The following ELP3 variants were observed in gnomAD, a reference collection of about 807,000 sequenced individuals.
ELP3 encodes the protein elongator complex protein 3.
Under a neutral mutation model 74.9 loss-of-function variants are expected in ELP3, and 56 were observed. The ratio of observed to expected loss-of-function variants is 0.75; its 90% confidence interval spans 0.60 to 0.93. The LOEUF is 0.93. Ranked by LOEUF, ELP3 falls within the 40% of genes least tolerant of loss-of-function variation. The pLI, the probability that ELP3 is intolerant of heterozygous loss-of-function variation, is 0.00. For synonymous variants in ELP3, 222 were observed against 239.8 expected (o/e 0.93, Z 0.68); for missense variants, 573 against 686.5 (o/e 0.83, Z 1.85).
chr8:28,159,646 C>T (rs151119070), intron 12 of ELP3, among the ~76,000 whole-genome samples: 1 of 152,228 alleles, frequency 6.6e-6, no homozygotes, highest in Admixed American at 6.5e-5. Context: ...AGCTTCCCCC[C>T]AGAAGCTACC....
chr8:28,144,386 G>C, intron 10 of ELP3, among the ~76,000 whole-genome samples: 1 of 152,204 alleles, frequency 6.6e-6, no homozygotes, highest in Non-Finnish European at 1.5e-5. Context: ...GTGGCAGGTA[G>C]ATCGCTTGAG....
chr8:28,150,010 T>C (rs1813579707), intron 10 of ELP3, among the ~76,000 whole-genome samples: 1 of 152,214 alleles, frequency 6.6e-6, no homozygotes, highest in Non-Finnish European at 1.5e-5. Context: ...ACTACTAATC[T>C]GAATTCACTT....
intron 11 of ELP3, 138 bp downstream of exon 11, chr8:28,156,170 C>A: frequency 1.4e-6 from 1 of 695,616 alleles, no homozygotes; most frequent in South Asian, 1.7e-5. Context: ...AAAGCATAGT[C>A]ACTGAACTGT....
At chr8:28,135,492 G>T (rs1004205915) in intron 9 of ELP3, among the ~76,000 whole-genome samples, 1 of 152,174 alleles carries the variant, frequency 6.6e-6, no homozygotes. Context: ...CCAGAGAGTA[G>T]GGCGGAGAGT....
chr8:28,098,299 A>G (rs1003830745), intron 2 of ELP3, among the ~76,000 whole-genome samples: 1 of 152,052 alleles, frequency 6.6e-6, no homozygotes, highest in African/African-American at 2.4e-5. Flanking sequence ...ATCATCACAT[A>G]CAGGAATGAC....
chr8:28,159,574 G>A (rs1488794549), intron 12 of ELP3, among the ~76,000 whole-genome samples: 1 of 152,098 alleles, frequency 6.6e-6, no homozygotes, highest in Non-Finnish European at 1.5e-5. Flanking sequence ...TTTAAGAAAA[G>A]TACAAGAGCC....
chr8:28,184,793 T>C (rs1263047395), intron 14 of ELP3, among the ~76,000 whole-genome samples: 2 of 152,144 alleles, frequency 1.3e-5, no homozygotes, highest in East Asian at 3.8e-4. Flanking sequence ...AAACTAAACA[T>C]GTCTCCAGGA....
At chr8:28,154,781 A>G (rs1380390887) in intron 10 of ELP3, among the ~76,000 whole-genome samples, 1 of 152,204 alleles carries the variant, frequency 6.6e-6, no homozygotes, top group African/African-American at 2.4e-5. Context: ...TATTTTACTG[A>G]TAACTGTTAA....
intron 14 of ELP3, 117 bp downstream of exon 14, chr8:28,162,195 T>C (rs771908230): frequency 1.6e-5 from 17 of 1,039,478 alleles, no homozygotes; most frequent in Non-Finnish European, 2.3e-5. Context: ...AAAATTGAGC[T>C]GAGCTGACTG....
At chr8:28,107,394 A>G (rs2130379296) in intron 4 of ELP3, among the ~76,000 whole-genome samples, 1 of 152,378 alleles carries the variant, frequency 6.6e-6, no homozygotes, top group Non-Finnish European at 1.5e-5. Context: ...TAAATGAAAC[A>G]TGGGAATATG....
intron 14 of ELP3, among the ~76,000 whole-genome samples, chr8:28,165,411 T>G (rs1309557096): frequency 6.6e-6 from 1 of 152,202 alleles, no homozygotes; most frequent in Non-Finnish European, 1.5e-5. Flanking sequence ...TGTGAATGCC[T>G]GTTAACTTAG....
chr8:28,188,494 G>A (rs1815330267), intron 14 of ELP3, among the ~76,000 whole-genome samples: 1 of 152,112 alleles, frequency 6.6e-6, no homozygotes, highest in Non-Finnish European at 1.5e-5. Flanking sequence ...AAGGGGGCTG[G>A]AAATGGAGTT....
chr8:28,097,185 C>G, intron 1 of ELP3, 34 bp from the exon 2 acceptor site: 4 of 1,430,030 alleles, frequency 2.8e-6, no homozygotes, highest in Non-Finnish European at 3.9e-6. Flanking sequence ...TTGAATGATA[C>G]GATTTTTGAC....
intron 7 of ELP3, chr8:28,129,259 G>A (rs2130455294): frequency 2.1e-6 from 1 of 468,368 alleles, no homozygotes; most frequent in East Asian, 3.5e-5. Flanking sequence ...AATCTTATGA[G>A]GTGTAGATAG....
chr8:28,185,125 T>C (rs1585765824), intron 14 of ELP3, among the ~76,000 whole-genome samples: 1 of 152,204 alleles, frequency 6.6e-6, no homozygotes, highest in African/African-American at 2.4e-5. Context: ...AGTATCTGTT[T>C]TGTAAAAGTA....
Position 28,106,569 on chromosome 8 carries a change from A to T in ELP3, c.259-144A>T, listed in dbSNP as rs1811703691. 2.0e-5 allele frequency: 9 copies of T among 456,314 alleles called. No homozygotes were observed. In the South Asian group the frequency reaches 2.5e-4, roughly 13 times the overall value. 28.3% of individuals were successfully genotyped at this position (456,314 alleles called of 1,614,324 possible). ...AAAAAAAAAAAAAAAAAAAAAAAAGAAATACAGCCTCGTCAATACCTTTGA... is the reference window on the plus strand; with the variant it reads ...AAAAAAAAAAAAAAAAAAAAAAAAGTAATACAGCCTCGTCAATACCTTTGA... On this transcript the variant is annotated intron_variant, in intron 3 of 14. Transcript: ENST00000256398.
At chr8:28,103,921 G>A (rs1294492750) in intron 3 of ELP3, among the ~76,000 whole-genome samples, 1 of 152,116 alleles carries the variant, frequency 6.6e-6, no homozygotes. Flanking sequence ...TAGAGACAGG[G>A]TTTCACCATG....
chr8:28,150,302 A>G (rs898543271), intron 10 of ELP3, among the ~76,000 whole-genome samples: 1 of 152,178 alleles, frequency 6.6e-6, no homozygotes, highest in African/African-American at 2.4e-5. Flanking sequence ...TTTTTGTTCA[A>G]CATTTCTCTT....
At chr8:28,164,288 C>T (rs1196314562) in intron 14 of ELP3, among the ~76,000 whole-genome samples, 1 of 152,064 alleles carries the variant, frequency 6.6e-6, no homozygotes, top group African/African-American at 2.4e-5. Context: ...CAGCATCTGC[C>T]CTCTTTCTGC....
Sources: allele counts gnomAD v4.1 joint callset (sites outside exome capture counted in the v4.1 genomes callset), GRCh38; gene constraint gnomAD v4.1.1; transcripts MANE v1.5; gene names NCBI Gene and HGNC (gene_info 2026-07-23, HGNC 2026-07-21).